Variants in CNOT2 observed in about 807,000 individuals in gnomAD.
CNOT2 encodes the protein CCR4-NOT transcription complex subunit 2.
CNOT2 carries 7 observed loss-of-function variants against 72.1 expected under a neutral mutation model. That is an observed-to-expected ratio of 0.10 (90% CI 0.06 to 0.18). The LOEUF (loss-of-function observed/expected upper bound fraction) is 0.18. CNOT2 is among the 10% of genes least tolerant of loss of function. CNOT2 has a pLI of 1.00. For missense variants in CNOT2, 345 were observed against 660.3 expected (o/e 0.52, Z 5.23); for synonymous variants, 196 against 225.6 (o/e 0.87, Z 1.17).
In CNOT2 at chr12:70,302,543, T is replaced by C. The variant is rs556791284; in HGVS notation, c.49-8352T>C. On this transcript the variant is annotated intron_variant, in intron 2 of 15. Coordinates refer to ENST00000229195, the MANE Select transcript of CNOT2 (RefSeq NM_014515.7). ...GAGAGGTTTTGAGTGAGTTTCTTAA[T>C]CCCGAGTTCTAGTTTGATTGCACTG... Among the ~76,000 whole-genome samples the C allele has an allele frequency of 8.6e-4, 131 of 152,352 alleles. 2 individuals are homozygous for C. The South Asian group carries it at 0.018, about 21-fold the overall frequency.
chr12:70,306,408 T>C (rs941683793), intron 2 of CNOT2, among the ~76,000 whole-genome samples: 3 of 152,152 alleles, frequency 2.0e-5, no homozygotes, highest in East Asian at 3.9e-4. Context: ...CTGCCTGCCT[T>C]GGCCTCCCAA....
intron 2 of CNOT2, among the ~76,000 whole-genome samples, chr12:70,296,765 C>CCA (rs1872874044): frequency 6.7e-6 from 1 of 148,622 alleles, no homozygotes; most frequent in Admixed American, 6.8e-5. Flanking sequence ...AAGCCCCCCC[C>CCA]CCTTTTTAAA....
chr12:70,274,170 T>C (rs1300921707), intron 1 of CNOT2, among the ~76,000 whole-genome samples: 2 of 152,128 alleles, frequency 1.3e-5, no homozygotes, highest in Non-Finnish European at 1.5e-5. Flanking sequence ...TTATTTCATC[T>C]GTCCATCAAC....
intron 2 of CNOT2, among the ~76,000 whole-genome samples, chr12:70,310,443 A>G (rs113355911): frequency 2.9e-3 from 444 of 152,230 alleles, no homozygotes; most frequent in Admixed American, 5.7e-3. Flanking sequence ...AAAAAACGGT[A>G]TATTTCAGTA....
chr12:70,270,198 A>G (rs1036512322), intron 1 of CNOT2, among the ~76,000 whole-genome samples: 2 of 152,170 alleles, frequency 1.3e-5, no homozygotes, highest in African/African-American at 4.8e-5. Flanking sequence ...TCTGTGTGAA[A>G]TAATTTGTTT....
chr12:70,243,235 G>A (rs900876654), upstream of CNOT2: 7 of 152,588 alleles, frequency 4.6e-5, no homozygotes, highest in African/African-American at 1.2e-4. Context: ...AGACGGAGCG[G>A]CGGTAAGGGC....
At chr12:70,336,248 T>C (rs961593595) in intron 8 of CNOT2, 1 of 152,162 alleles carries the variant, frequency 6.6e-6, no homozygotes, top group African/African-American at 2.4e-5. Flanking sequence ...TGCAGACTCT[T>C]GGTCTCCGTT....
At chr12:70,283,505 A>ATAGATAGG (rs1870263040) in intron 2 of CNOT2, among the ~76,000 whole-genome samples, 4 of 151,624 alleles carry the variant, frequency 2.6e-5, no homozygotes, top group Admixed American at 2.6e-4. Context: ...AGATAGATAG[A>ATAGATAGG]TAGAATTTTA....
intron 2 of CNOT2, among the ~76,000 whole-genome samples, chr12:70,279,244 T>C (rs1259051095): frequency 6.6e-6 from 1 of 152,198 alleles, no homozygotes; most frequent in Non-Finnish European, 1.5e-5. Flanking sequence ...TTCCCTCAAA[T>C]TGGAAAAGTT....
intron 3 of CNOT2, among the ~76,000 whole-genome samples, chr12:70,315,667 G>A (rs1307608737): frequency 6.6e-6 from 1 of 152,106 alleles, no homozygotes; most frequent in African/African-American, 2.4e-5. Context: ...TCTTCTAGTT[G>A]CTTCCTGGTT....
At chr12:70,336,330 T>C (rs1469754536) in intron 8 of CNOT2, 3 of 152,034 alleles carry the variant, frequency 2.0e-5, no homozygotes, top group Non-Finnish European at 4.4e-5. Context: ...TAAATGGAAA[T>C]AAAGGAGGGG....
intron 2 of CNOT2, among the ~76,000 whole-genome samples, chr12:70,304,411 C>T (rs1357978487): frequency 1.3e-5 from 2 of 152,162 alleles, no homozygotes; most frequent in Non-Finnish European, 2.9e-5. Flanking sequence ...TGTTAGTTTT[C>T]CTTCTAACAG....
chr12:70,262,695 A>G (rs902612433), intron 1 of CNOT2, among the ~76,000 whole-genome samples: 1 of 151,450 alleles, frequency 6.6e-6, no homozygotes, highest in Non-Finnish European at 1.5e-5. Context: ...GTTTTTTGCG[A>G]TGGAGTCTTT....
intron 1 of CNOT2, among the ~76,000 whole-genome samples, chr12:70,259,085 A>G (rs1052279581): frequency 7.2e-5 from 11 of 152,180 alleles, no homozygotes; most frequent in Admixed American, 6.5e-5. Flanking sequence ...CCCATTTTAC[A>G]GTTGAGTAAA....
intron 1 of CNOT2, among the ~76,000 whole-genome samples, chr12:70,274,937 G>A (rs1479225231): frequency 1.3e-5 from 2 of 152,002 alleles, no homozygotes; most frequent in Non-Finnish European, 2.9e-5. Flanking sequence ...AGGACATCAC[G>A]TCTTCACTGG....
At chr12:70,273,271 AG>A (rs763715795) in intron 1 of CNOT2, among the ~76,000 whole-genome samples, 3 of 152,132 alleles carry the variant, frequency 2.0e-5, no homozygotes, top group Non-Finnish European at 2.9e-5. Context: ...AAGATTACCA[AG>A]TAGGTGATCT....
chr12:70,262,056 ACTGTTTCTTTC>A (rs1209777334), intron 1 of CNOT2, among the ~76,000 whole-genome samples: 2 of 151,860 alleles, frequency 1.3e-5, no homozygotes, highest in African/African-American at 4.8e-5. Flanking sequence ...GTAGTAATGT[ACTGTTTCTTTC>A]CTGTTTTTAG....
At chr12:70,306,927 G>A (rs1005881308) in intron 2 of CNOT2, among the ~76,000 whole-genome samples, 3 of 152,170 alleles carry the variant, frequency 2.0e-5, no homozygotes, top group African/African-American at 7.2e-5. Flanking sequence ...ATTGCTATAC[G>A]AATTCTGTAG....
intron 2 of CNOT2, among the ~76,000 whole-genome samples, chr12:70,280,322 G>A (rs1240338423): frequency 6.6e-6 from 1 of 152,076 alleles, no homozygotes; most frequent in Non-Finnish European, 1.5e-5. Flanking sequence ...GGGACATAGA[G>A]GGATAAATTC....
Sources: gnomAD v4.1 joint callset for allele counts (sites outside exome capture counted in the v4.1 genomes callset) on GRCh38, gnomAD v4.1.1 for gene constraint, MANE v1.5 for transcripts, NCBI Gene and HGNC (gene_info 2026-07-23, HGNC 2026-07-21) for gene names.